Variants in CEMIP observed in about 807,000 individuals in gnomAD.
CEMIP encodes cell migration inducing hyaluronidase 1.
CEMIP carries 105 observed loss-of-function variants against 156.9 expected under a neutral mutation model. The ratio of observed to expected loss-of-function variants is 0.67; its 90% confidence interval spans 0.57 to 0.79. The LOEUF (loss-of-function observed/expected upper bound fraction) is 0.79. CEMIP is among the 30% of genes least tolerant of loss of function. The probability of loss-of-function intolerance (pLI) is 0.00; values close to 1 mark genes in which losing one functional copy is unlikely to be tolerated. For synonymous variants in CEMIP, 676 were observed against 668.4 expected (o/e 1.01, Z -0.17); for missense variants, 1,457 against 1,769.4 (o/e 0.82, Z 3.17).
chr15:80,947,334 G>C (rs1053834301), intron 29 of CEMIP: 5 of 456,494 alleles, frequency 1.1e-5, no homozygotes, highest in Non-Finnish European at 2.0e-5. Context: ...CATTTGCTTG[G>C]AAAGTGGCCC....
intron 1 of CEMIP, among the ~76,000 whole-genome samples, chr15:80,796,176 G>A (rs1406651235): frequency 6.6e-6 from 1 of 152,104 alleles, no homozygotes. Context: ...GTCTCACTAC[G>A]TTGCCTAGGC....
At chr15:80,930,961 C>A (rs1222638110) in intron 21 of CEMIP, among the ~76,000 whole-genome samples, 1 of 152,190 alleles carries the variant, frequency 6.6e-6, no homozygotes, top group East Asian at 1.9e-4. Flanking sequence ...CCAAGAAGGA[C>A]CACCAGGAAG....
intron 1 of CEMIP, among the ~76,000 whole-genome samples, chr15:80,837,507 A>G (rs1897295067): frequency 6.6e-6 from 1 of 152,180 alleles, no homozygotes; most frequent in Non-Finnish European, 1.5e-5. Context: ...GGAGCTTAGG[A>G]AACCAAGGGT....
At chr15:80,925,866 C>T (rs1002508221) in intron 19 of CEMIP, 111 bp downstream of exon 19, 28 of 1,438,296 alleles carry the variant, frequency 1.9e-5, no homozygotes, top group East Asian at 2.4e-5. Context: ...GACATACTGA[C>T]GTTTGGCCTT....
chr15:80,854,839 C>T (rs546129343), intron 1 of CEMIP, among the ~76,000 whole-genome samples: 3 of 152,202 alleles, frequency 2.0e-5, no homozygotes, highest in East Asian at 3.9e-4. Flanking sequence ...TGAAGCCATA[C>T]CTATTTTAAA....
chr15:80,781,996 T>G (rs1244610202), intron 1 of CEMIP, among the ~76,000 whole-genome samples: 1 of 151,494 alleles, frequency 6.6e-6, no homozygotes, highest in East Asian at 1.9e-4. Context: ...TTGATGGAAT[T>G]GATGAAAATG....
At chr15:80,941,405 T>C (rs1310153128) in intron 25 of CEMIP, among the ~76,000 whole-genome samples, 2 of 152,140 alleles carry the variant, frequency 1.3e-5, no homozygotes, top group Admixed American at 6.6e-5. Flanking sequence ...AAACTAGAGA[T>C]AGGAAGACAG....
intron 1 of CEMIP, among the ~76,000 whole-genome samples, chr15:80,860,901 G>A (rs1321821554): frequency 6.6e-6 from 1 of 151,966 alleles, no homozygotes; most frequent in Non-Finnish European, 1.5e-5. Context: ...TGTTCCCAGG[G>A]CATCTCCTAA....
In CEMIP at chr15:80,889,537, C is replaced by T; in HGVS notation, c.1031C>T (p.Ser344Leu). 1 of 1,614,160 alleles carries T rather than the reference C, an allele frequency of 6.2e-7. No homozygotes were observed. The highest frequency in any genetic ancestry group is 1.7e-5 in the Admixed American group (1 of 60,024). ...VSQTKGGEKI[S>L]DLWKAHPGKI... ...CAGACTAAAGGTGGGGAGAAAATTTCAGACCTCTGGAAAGCTCACCCAGGA... is the reference window on the plus strand; with the variant it reads ...CAGACTAAAGGTGGGGAGAAAATTTTAGACCTCTGGAAAGCTCACCCAGGA... The change falls in exon 10 of 30, where the codon TCA (serine) becomes TTA (leucine). Residue 344 changes from serine to leucine, a missense_variant. By Grantham distance (145) the Ser-to-Leu change is moderately radical. Transcript: ENST00000394685.
rs373047520 is a variant in CEMIP, at chr15:80,873,870, C to T, written c.-10C>T. Reference sequence around the variant, plus strand: ...CTGTGTGCTTCTCTTTCAGGGAGCACACTGCCAGGATGGGAGCTGCTGGGA... The same window carrying T: ...CTGTGTGCTTCTCTTTCAGGGAGCATACTGCCAGGATGGGAGCTGCTGGGA... On this transcript the variant is annotated 5_prime_UTR_variant, in exon 3 of 30. Transcript: ENST00000394685. 1.1e-4 allele frequency: 170 copies of T among 1,572,632 alleles called. 1 individual carries two copies. The highest frequency in any genetic ancestry group is 2.5e-4 in the South Asian group (21 of 85,618).
At chr15:80,812,232 G>A (rs910159735) in intron 1 of CEMIP, among the ~76,000 whole-genome samples, 1 of 152,172 alleles carries the variant, frequency 6.6e-6, no homozygotes, top group Non-Finnish European at 1.5e-5. Flanking sequence ...AACCTCTCAT[G>A]AGCATATTCT....
At chr15:80,843,464 A>G (rs1298548191) in intron 1 of CEMIP, among the ~76,000 whole-genome samples, 1 of 152,212 alleles carries the variant, frequency 6.6e-6, no homozygotes, top group Non-Finnish European at 1.5e-5. Flanking sequence ...GATATGGATG[A>G]CAGTTCTGGC....
At position 80,906,782 on chromosome 15, in the gene CEMIP, T is replaced by G. The variant is rs1899824880; in HGVS notation, c.1531T>G (p.Tyr511Asp). 1 of 1,614,170 alleles carries G rather than the reference T, an allele frequency of 6.2e-7. No homozygotes were observed. Among genetic ancestry groups the G allele is most frequent in the Non-Finnish European group, 8.5e-7 (1 of 1,180,008 alleles). ...GGAGATGGAGGACAAATGCTACCCCTACAGAAACCACATCTGCAATTTCTT... is the reference window on the plus strand; with the variant it reads ...GGAGATGGAGGACAAATGCTACCCCGACAGAAACCACATCTGCAATTTCTT... ...MGEMEDKCYPYRNHICNFFDF... is the reference protein window; with the variant it reads ...MGEMEDKCYPDRNHICNFFDF... The change falls in exon 13 of 30, where the codon TAC (tyrosine) becomes GAC (aspartate). Residue 511 changes from tyrosine to aspartate, a missense_variant. This residue lies in a region of CEMIP where 280 missense variants were observed against 300.3 expected (regional missense o/e 0.93). Coordinates refer to ENST00000394685, the MANE Select transcript of CEMIP (RefSeq NM_001293298.2). This position sits in a 1 kb window ranked among gnomAD's most constrained non-coding sequence, Gnocchi z 4.3.
chr15:80,837,888 G>C (rs992859232), intron 1 of CEMIP, among the ~76,000 whole-genome samples: 1 of 152,188 alleles, frequency 6.6e-6, no homozygotes, highest in Non-Finnish European at 1.5e-5. Context: ...TGCACAGACT[G>C]GGGTCTCTCA....
At chr15:80,895,477 C>T (rs74905025) in intron 11 of CEMIP, among the ~76,000 whole-genome samples, 1,668 of 152,076 alleles carry the variant, frequency 0.011, 41 homozygotes, top group African/African-American at 0.039. Context: ...GGGTTGTTCT[C>T]GGAGGCACTT....
In CEMIP at chr15:80,925,650, C is replaced by T. The variant is rs142421861; in HGVS notation, c.2315C>T (p.Pro772Leu). The change falls in exon 19 of 30, where the codon CCG becomes CTG. Residue 772 changes from proline (P) to leucine (L), a missense_variant. Coordinates refer to ENST00000394685, the MANE Select transcript of CEMIP (RefSeq NM_001293298.2). Reference protein sequence around the residue: ...ARYSPHQDADPLKPREPAIIR... With the variant: ...ARYSPHQDADLLKPREPAIIR... ...TACAGCCCTCACCAGGACGCCGACC[C>T]GCTGAAGCCCCGGGAGCCGGCCATC... 1.8e-4 allele frequency: 295 copies of T among 1,613,310 alleles called. No individual in the cohort carries two copies. Among genetic ancestry groups the T allele is most frequent in the Non-Finnish European group, 2.2e-4 (262 of 1,179,952 alleles).
At chr15:80,894,756 T>C (rs138974517) in intron 10 of CEMIP, among the ~76,000 whole-genome samples, 3 of 152,330 alleles carry the variant, frequency 2.0e-5, no homozygotes, top group East Asian at 1.9e-4. Context: ...GTTTCGATAC[T>C]GAGTACTGTA....
At chr15:80,848,900 G>GCGCACACACACACA (rs1555430239) in intron 1 of CEMIP, among the ~76,000 whole-genome samples, 38 of 134,632 alleles carry the variant, frequency 2.8e-4, no homozygotes, top group African/African-American at 1.1e-3. Context: ...GTGTGCGCGT[G>GCGCACACACACACA]CACACACACA....
rs183355162 is a variant in CEMIP at position 80,903,040 on chromosome 15, A to C, written c.1412-3623A>C. On this transcript the variant is annotated intron_variant, in intron 12 of 29. Transcript: ENST00000394685. ...ACTCACAGCTGTGAGCTGAGTTGGA[A>C]TCTGACCCTCACAGCCTGGCTCCAG... 3.9e-5 allele frequency: 6 copies of C among 152,274 alleles called. No individual in the cohort carries two copies. The East Asian group carries it at 7.7e-4, about 20-fold the overall frequency. 9.4% of individuals were successfully genotyped at this position (152,274 alleles called of 1,614,324 possible). A position where few individuals can be genotyped will look rare whatever the true frequency, so the allele number is the denominator to read the frequency against.
Sources: gnomAD v4.1 joint callset for allele counts (sites outside exome capture counted in the v4.1 genomes callset) on GRCh38, gnomAD v4.1.1 for gene constraint, gnomAD v4.1.1 regional missense constraint, Gnocchi (gnomAD v3.1) non-coding constraint, MANE v1.5 for transcripts, NCBI Gene and HGNC (gene_info 2026-07-23, HGNC 2026-07-21) for gene names.